The following CCDC126 variants were observed in gnomAD, a reference collection of about 807,000 sequenced individuals.
CCDC126 encodes coiled-coil domain-containing protein 126.
CCDC126 carries 5 observed loss-of-function variants against 11.7 expected under a neutral mutation model. That is an observed-to-expected ratio of 0.43 (90% CI 0.22 to 0.90). The LOEUF is 0.90. Ranked by LOEUF, CCDC126 falls within the 40% of genes least tolerant of loss-of-function variation. The pLI, the probability that CCDC126 is intolerant of heterozygous loss-of-function variation, is 0.27. For missense variants in CCDC126, 150 were observed against 163.1 expected (o/e 0.92, Z 0.44); for synonymous variants, 60 against 61.9 (o/e 0.97, Z 0.14).
intron 3 of CCDC126, among the ~76,000 whole-genome samples, chr7:23,633,706 G>A (rs1394242948): frequency 6.6e-6 from 1 of 152,032 alleles, no homozygotes; most frequent in Non-Finnish European, 1.5e-5. Context: ...CTACAGAAAA[G>A]TAGCTGAGTG....
intron 3 of CCDC126, among the ~76,000 whole-genome samples, chr7:23,640,197 TAATAA>T (rs888313495): frequency 2.7e-5 from 4 of 146,478 alleles, no homozygotes; most frequent in African/African-American, 7.6e-5. Context: ...AAAATAATAA[TAATAA>T]AATAAAATCT....
intron 3 of CCDC126, among the ~76,000 whole-genome samples, chr7:23,635,980 C>G (rs1037650408): frequency 7.2e-5 from 11 of 152,284 alleles, no homozygotes; most frequent in African/African-American, 2.4e-4. Context: ...TGCAACCTCC[C>G]TGCCTGATTC....
chr7:23,643,107 A>G lies in CCDC126; in HGVS notation c.415A>G (p.Ile139Val). 6.2e-7 allele frequency: 1 copy of G among 1,613,604 alleles called. No homozygotes were observed. The highest frequency in any genetic ancestry group is 2.2e-5 in the East Asian group (1 of 44,870). ...TNKRTNVSGS[I>V]R ...TAAAAGAACGAATGTCTCGGGCAGT[A>G]TCAGATAGCAGTTGAAAATCACCTT... is the stretch of plus-strand genomic sequence containing the variant. Residue 139 changes from isoleucine to valine, a missense_variant, in exon 4 of 4, where the codon ATC becomes GTC. Ile to Val is a conservative substitution (Grantham distance 29). Coordinates refer to ENST00000307471, the MANE Select transcript of CCDC126 (RefSeq NM_138771.4).
At chr7:23,609,265 C>T (rs1782668182) in intron 2 of CCDC126, among the ~76,000 whole-genome samples, 1 of 151,918 alleles carries the variant, frequency 6.6e-6, no homozygotes, top group African/African-American at 2.4e-5. Context: ...CTCACTGCAA[C>T]TTCTGCCTCC....
At chr7:23,624,069 TCTTA>T (rs1420548284) in intron 3 of CCDC126, among the ~76,000 whole-genome samples, 3 of 152,192 alleles carry the variant, frequency 2.0e-5, no homozygotes, top group African/African-American at 7.2e-5. Context: ...TCCTGGCTTT[TCTTA>T]CTTCTCATTA....
At chr7:23,608,003 C>T (rs1325704918) in intron 2 of CCDC126, among the ~76,000 whole-genome samples, 1 of 152,168 alleles carries the variant, frequency 6.6e-6, no homozygotes, top group Non-Finnish European at 1.5e-5. Context: ...TTATGCTGAG[C>T]AGGGTGGCCG....
In CCDC126 at chr7:23,597,569, G is replaced by C. The variant is rs1201941084; in HGVS notation, c.-267G>C. On this transcript the variant is annotated 5_prime_UTR_variant, in exon 1 of 4. Transcript: ENST00000307471. ...TGCGTCGCCCCGGCTCAGAAGCTCC[G>C]TGGCGGCGGCGACCGTGACGAGAAG... The C allele has an allele frequency of 6.6e-6, 1 of 152,266 alleles. No individual in the cohort carries two copies. The highest frequency in any genetic ancestry group is 1.9e-4 in the East Asian group (1 of 5,184). 9.4% of individuals were successfully genotyped at this position (152,266 alleles called of 1,614,324 possible).
intron 3 of CCDC126, among the ~76,000 whole-genome samples, chr7:23,621,653 G>T (rs531002387): frequency 3.7e-4 from 56 of 152,246 alleles, no homozygotes; most frequent in Middle Eastern, 3.4e-3. Flanking sequence ...TCCCTGTCTT[G>T]TGCCAGTTTT....
At chr7:23,625,194 A>C (rs955169371) in intron 3 of CCDC126, among the ~76,000 whole-genome samples, 25 of 152,292 alleles carry the variant, frequency 1.6e-4, no homozygotes, top group African/African-American at 6.0e-4. Flanking sequence ...ATGATCAATA[A>C]TTTGGTGCTG....
chr7:23,619,490 C>T (rs1268771922), intron 3 of CCDC126: 12 of 374,078 alleles, frequency 3.2e-5, no homozygotes, highest in Admixed American at 1.6e-4. Flanking sequence ...CAACACCCTT[C>T]CTGCCTATTT....
intron 3 of CCDC126, among the ~76,000 whole-genome samples, chr7:23,621,236 G>A (rs1782892083): frequency 6.6e-6 from 1 of 152,146 alleles, no homozygotes; most frequent in African/African-American, 2.4e-5. Context: ...CCATTTGTTT[G>A]TATCCTCTTT....
intron 2 of CCDC126, among the ~76,000 whole-genome samples, chr7:23,603,217 G>C (rs899857967): frequency 6.6e-6 from 1 of 152,082 alleles, no homozygotes. Context: ...TTTTTTGCCT[G>C]TATAAAAACT....
At position 23,605,569 on chromosome 7, in the gene CCDC126, T is replaced by C. The variant is rs113083537; in HGVS notation, c.-145-5602T>C. On this transcript the variant is annotated intron_variant, in intron 2 of 3. Transcript: ENST00000307471. ...CCATCTCCAGAGCTTCTTCATCATC[T>C]CCATCTGAAACTCTGTACCCATTAA... Among the ~76,000 whole-genome samples the C allele has an allele frequency of 9.8e-4, 149 of 152,334 alleles. 2 individuals are homozygous for C. Among genetic ancestry groups the C allele is most frequent in the Middle Eastern group, 3.4e-3 (1 of 294 alleles).
chr7:23,627,720 T>G (rs1335670770), intron 3 of CCDC126, among the ~76,000 whole-genome samples: 1 of 151,980 alleles, frequency 6.6e-6, no homozygotes, highest in African/African-American at 2.4e-5. Context: ...TGCTTCACCC[T>G]CCCTAGAAGC....
chr7:23,617,901 G>T (rs1373144764), intron 3 of CCDC126, among the ~76,000 whole-genome samples: 3 of 152,258 alleles, frequency 2.0e-5, no homozygotes, highest in Non-Finnish European at 2.9e-5. Flanking sequence ...CTAACTAAGG[G>T]ACATGAAAAT....
At position 23,643,558 on chromosome 7, in the gene CCDC126, T is replaced by A. The variant is rs1216190984; in HGVS notation, c.*443T>A. The A allele has an allele frequency of 6.5e-6, 1 of 153,902 alleles. No homozygotes were observed. The highest frequency in any genetic ancestry group is 1.5e-5 in the Non-Finnish European group (1 of 68,944). 9.5% of individuals were successfully genotyped at this position (153,902 alleles called of 1,614,324 possible). On this transcript the variant is annotated 3_prime_UTR_variant, in exon 4 of 4. Coordinates refer to ENST00000307471, the MANE Select transcript of CCDC126 (RefSeq NM_138771.4). ...GATGTAACTGTTAGACTACGGCTAT[T>A]TGAAAAAATGTGCTTATTGTACTAT...
chr7:23,614,730 T>G (rs1207224690), intron 3 of CCDC126, among the ~76,000 whole-genome samples: 1 of 152,184 alleles, frequency 6.6e-6, no homozygotes. Flanking sequence ...TCCTTGTACA[T>G]CTTCAGAGCT....
chr7:23,617,258 G>T (rs1782808654), intron 3 of CCDC126, among the ~76,000 whole-genome samples: 1 of 136,748 alleles, frequency 7.3e-6, no homozygotes. Context: ...TGAGGCAGGA[G>T]AATCACTTGA....
intron 3 of CCDC126, among the ~76,000 whole-genome samples, chr7:23,622,031 T>C (rs867573562): frequency 2.6e-5 from 4 of 152,166 alleles, no homozygotes; most frequent in Middle Eastern, 3.2e-3. Context: ...GGGATATTGG[T>C]CTAAAATTCT....
Sources: gnomAD v4.1 joint callset for allele counts (sites outside exome capture counted in the v4.1 genomes callset) on GRCh38, gnomAD v4.1.1 for gene constraint, MANE v1.5 for transcripts, NCBI Gene and HGNC (gene_info 2026-07-23, HGNC 2026-07-21) for gene names.